DCTN1: variants seen among roughly 807,000 people sequenced by gnomAD.
The protein encoded by DCTN1 is 150 kDa dynein-associated polypeptide.
In DCTN1, 61 loss-of-function variants were observed where a neutral mutation model predicts 161.2. The ratio of observed to expected loss-of-function variants is 0.38; its 90% CI spans 0.31 to 0.47. The LOEUF (loss-of-function observed/expected upper bound fraction) is 0.47. Among genes scored for constraint, DCTN1 ranks in the 20% least tolerant of loss-of-function variants. The pLI is 0.99. For synonymous variants in DCTN1, 653 were observed against 632.4 expected (o/e 1.03, Z -0.49); for missense variants, 1,404 against 1,623.7 (o/e 0.86, Z 2.33).
Position 74,369,115 on chromosome 2 carries a change from T to A in DCTN1, c.1684A>T (p.Thr562Ser), listed in dbSNP as rs1187126591. ...TFDFKIKFAE[T>S]KAHAKAIEME... ...TTCCTGACCTTGGCATGGGCCTTAG[T>A]CTCAGCAAACTTGATTTTGAAGTCA... The change falls in exon 15 of 32, where the codon ACT (threonine) becomes TCT (serine). Residue 562 changes from threonine (T) to serine (S), a missense_variant. Around this residue, in one of 9 missense-constraint regions of DCTN1, gnomAD observed 278 missense variants for 363.8 expected, o/e 0.76. Transcript: ENST00000628224. The surrounding 1 kb of genome is among the most constrained non-coding windows in gnomAD (Gnocchi z 4.9). 3 of 1,614,120 alleles carry A rather than the reference T, an allele frequency of 1.9e-6. 1 individual carries two copies. The African/African-American group carries it at 4.0e-5, about 22-fold the overall frequency.
At position 74,371,028 on chromosome 2, in the gene DCTN1, A is replaced by C; in HGVS notation, c.794T>G (p.Met265Arg). 6.2e-7 allele frequency: 1 copy of C among 1,614,128 alleles called. No homozygotes were observed. The highest frequency in any genetic ancestry group is 8.5e-7 in the Non-Finnish European group (1 of 1,180,028). Reference sequence around the variant, plus strand: ...CTGCAGGTCGGCCTGCTGCTCCTGCATTTTGCTCTTCCATTCCTGCACCTG... The same window carrying C: ...CTGCAGGTCGGCCTGCTGCTCCTGCCTTTTGCTCTTCCATTCCTGCACCTG... Reference protein sequence around the residue: ...LEQVQEWKSKMQEQQADLQRR... With the variant: ...LEQVQEWKSKRQEQQADLQRR... Residue 265 changes from methionine to arginine, a missense_variant, in exon 9 of 32, where the codon ATG becomes AGG. By Grantham distance (91) the Met-to-Arg change is moderately conservative. Transcript: ENST00000628224.
intron 2 of DCTN1, 130 bp from the exon 3 acceptor site, chr2:74,377,856 T>G (rs545026196): frequency 6.8e-7 from 1 of 1,470,362 alleles, no homozygotes; most frequent in Non-Finnish European, 9.5e-7. Flanking sequence ...AGGATGCATC[T>G]TCAATCTTCC....
rs145417071 is a variant in DCTN1 at position 74,387,280 on chromosome 2, C to T, written c.-19+4514G>A. On this transcript the variant is annotated intron_variant, in intron 1 of 27. Transcript: ENST00000409240. ...GGCAACATTCTCTCCTACCCTTGCA[C>T]GTCAATCCTTCTCATCTCCTCTGTC... Among the ~76,000 whole-genome samples the T allele has an allele frequency of 3.4e-3, 523 of 152,262 alleles. 5 individuals carry two copies. Among genetic ancestry groups the T allele is most frequent in the African/African-American group, 0.012 (495 of 41,552 alleles).
Position 74,370,789 on chromosome 2 carries a change from T to C in DCTN1, c.880A>G (p.Met294Val), listed in dbSNP as rs1198851725. 11 of 1,614,212 alleles carry C rather than the reference T, an allele frequency of 6.8e-6. No individual in the cohort carries two copies. In the East Asian group the frequency reaches 2.0e-4, roughly 29 times the overall value. ...KEALEAKERY[M>V]EEMADTADAI... ...TCAGCAGTATCAGCCATCTCCTCCATATAGCGTTCCTTTGCCTCCAGCGCC... is the reference window on the plus strand; with the variant it reads ...TCAGCAGTATCAGCCATCTCCTCCACATAGCGTTCCTTTGCCTCCAGCGCC... Residue 294 changes from methionine (M) to valine (V), a missense_variant, in exon 10 of 32, where the codon ATG becomes GTG. Met to Val is a conservative substitution (Grantham distance 21). Around this residue, in one of 9 missense-constraint regions of DCTN1, gnomAD observed 67 missense variants for 116.3 expected, o/e 0.58. Transcript: ENST00000628224. This position sits in a 1 kb window ranked among gnomAD's most constrained non-coding sequence, Gnocchi z 4.4.
chr2:74,367,040 C>T lies in DCTN1; in HGVS notation c.2316+5G>A, dbSNP rs913439751. ...GAGCTCACACAGATCTAGATGTGTT[C>T]TCACCTGCAAGAAGGCACGCAGCCG... is the stretch of plus-strand genomic sequence containing the variant. On this transcript the variant is annotated splice_donor_5th_base_variant and intron_variant, in intron 20 of 31. Coordinates refer to ENST00000628224, the MANE Select transcript of DCTN1 (RefSeq NM_004082.5). The T allele has an allele frequency of 6.2e-7, 1 of 1,614,194 alleles. No homozygotes were observed. The highest frequency in any genetic ancestry group is 1.3e-5 in the African/African-American group (1 of 75,052).
chr2:74,372,806 A>C, intron 7 of DCTN1, 122 bp downstream of exon 7: 1 of 1,057,280 alleles, frequency 9.5e-7, no homozygotes, highest in African/African-American at 1.6e-5. Context: ...TTTCCTCTGA[A>C]GAGAACCCAG....
At chr2:74,368,978 C>T (rs1674628501) in intron 15 of DCTN1, 98 bp from the exon 16 acceptor site, 1 of 1,572,764 alleles carries the variant, frequency 6.4e-7, no homozygotes, top group Non-Finnish European at 8.7e-7. Context: ...CTAGGGCAAG[C>T]CCAGGCCAGA....
At chr2:74,376,163 C>T (rs1032774453) in intron 5 of DCTN1, among the ~76,000 whole-genome samples, 1 of 149,748 alleles carries the variant, frequency 6.7e-6, no homozygotes, top group Non-Finnish European at 1.5e-5. Flanking sequence ...AGGAGGTAGG[C>T]CTCAGGCACA....
intron 26 of DCTN1, chr2:74,364,012 C>A: frequency 3.3e-6 from 1 of 299,884 alleles, no homozygotes; most frequent in Non-Finnish European, 6.4e-6. Flanking sequence ...TGCTCACCAG[C>A]AGCAAAGCTT....
intron 1 of DCTN1, among the ~76,000 whole-genome samples, chr2:74,387,262 T>C (rs1477125220): frequency 6.6e-6 from 1 of 152,212 alleles, no homozygotes; most frequent in Non-Finnish European, 1.5e-5. Flanking sequence ...CTGGGCAACA[T>C]TCTCTCCTAC....
chr2:74,366,219 C>A lies in DCTN1; in HGVS notation c.2760+25G>T, dbSNP rs748518770. The A allele has an allele frequency of 1.9e-6, 3 of 1,613,892 alleles. No individual in the cohort carries two copies. In the African/African-American group the frequency reaches 4.0e-5, roughly 22 times the overall value. Reference sequence around the variant, plus strand: ...GTCTTACTCCTACAGGCCTCTGCAACTTCTCCAAGGAAATCTCCACCTACC... The same window carrying A: ...GTCTTACTCCTACAGGCCTCTGCAAATTCTCCAAGGAAATCTCCACCTACC... On this transcript the variant is annotated intron_variant, in intron 23 of 31. Coordinates refer to ENST00000628224, the MANE Select transcript of DCTN1 (RefSeq NM_004082.5).
chr2:74,381,530 C>G (rs1247940487), upstream of DCTN1, among the ~76,000 whole-genome samples: 1 of 152,204 alleles, frequency 6.6e-6, no homozygotes, highest in African/African-American at 2.4e-5. Context: ...CATGTCGCCC[C>G]CTCCTTTCCC....
chr2:74,369,899 G>T lies in DCTN1; in HGVS notation c.1392+66C>A. ...ACCGCACACCCTGCTCAAAGGCCAA[G>T]GGTCACATGTCAATCTTTTTCTCAG... is the stretch of plus-strand genomic sequence containing the variant. On this transcript the variant is annotated intron_variant, in intron 13 of 31. Coordinates refer to ENST00000628224, the MANE Select transcript of DCTN1 (RefSeq NM_004082.5). The surrounding 1 kb of genome is among the most constrained non-coding windows in gnomAD (Gnocchi z 4.9). The T allele has an allele frequency of 6.6e-7, 1 of 1,526,306 alleles. No homozygotes were observed. The highest frequency in any genetic ancestry group is 9.1e-7 in the Non-Finnish European group (1 of 1,102,764). The allele number at this position is 1,526,306 out of a possible 1,614,324, so 94.5% of individuals were successfully genotyped here. A position where few individuals can be genotyped will look rare whatever the true frequency, so the allele number is the denominator to read the frequency against.
chr2:74,361,963 C>A, intron 31 of DCTN1, 89 bp downstream of exon 31: 1 of 1,404,958 alleles, frequency 7.1e-7, no homozygotes, highest in Non-Finnish European at 1.0e-6. Context: ...AGACCTGAGA[C>A]TCCAAAGGCC....
chr2:74,387,818 C>T (rs1361225798), intron 1 of DCTN1, among the ~76,000 whole-genome samples: 5 of 152,208 alleles, frequency 3.3e-5, no homozygotes, highest in African/African-American at 7.2e-5. Context: ...ATGTCATCTT[C>T]CTGCCTAAAA....
intron 17 of DCTN1, 52 bp from the exon 18 acceptor site, chr2:74,367,916 G>A (rs757399598): frequency 1.2e-6 from 2 of 1,614,214 alleles, no homozygotes; most frequent in Non-Finnish European, 8.5e-7. Flanking sequence ...GGCAATCTCA[G>A]TTCTGGCCAA....
chr2:74,364,926 T>G (rs1674288357), intron 26 of DCTN1, 149 bp downstream of exon 26: 2 of 1,007,222 alleles, frequency 2.0e-6, no homozygotes, highest in Admixed American at 4.0e-5. Context: ...GAAAACTTGG[T>G]GAAAACTGGC....
chr2:74,368,588 C>T (rs1034041583), intron 16 of DCTN1, 140 bp downstream of exon 16: 22 of 1,075,964 alleles, frequency 2.0e-5, no homozygotes, highest in Admixed American at 1.6e-4. Flanking sequence ...ATATATTAAT[C>T]GGTGACTTTG....
At chr2:74,390,691 G>A (rs957056131) in intron 1 of DCTN1, 6 of 446,338 alleles carry the variant, frequency 1.3e-5, no homozygotes, top group Non-Finnish European at 2.8e-5. Flanking sequence ...TACTCAGATT[G>A]TGTTCCATGG....
Sources: allele counts gnomAD v4.1 joint callset (sites outside exome capture counted in the v4.1 genomes callset), GRCh38; gene constraint gnomAD v4.1.1; regional missense constraint gnomAD v4.1.1; non-coding constraint Gnocchi (gnomAD v3.1); transcripts MANE v1.5; gene names NCBI Gene and HGNC (gene_info 2026-07-23, HGNC 2026-07-21).